The following ITPK1 variants were observed in gnomAD, a reference collection of about 807,000 sequenced individuals.
The protein encoded by ITPK1 is inositol 1,3,4-trisphosphate 5/6-kinase.
Under a neutral mutation model 45.3 loss-of-function variants are expected in ITPK1, and 21 were observed. That is an observed-to-expected ratio of 0.46 (90% CI 0.33 to 0.67). ITPK1 has a LOEUF of 0.67. Ranked by LOEUF, ITPK1 falls within the 30% of genes least tolerant of loss-of-function variation. The probability of loss-of-function intolerance (pLI) is 0.02; values close to 1 mark genes in which losing one functional copy is unlikely to be tolerated. For missense variants in ITPK1, 474 were observed against 573.5 expected (o/e 0.83, Z 1.77); for synonymous variants, 258 against 253.6 (o/e 1.02, Z -0.16).
rs76689729 is a variant in ITPK1, at chr14:93,084,271, C to T, written c.96-7652G>A. On this transcript the variant is annotated intron_variant, in intron 2 of 10. Transcript: ENST00000267615. ...ACTGATGAAGAGGACCTCCAGCTAG[C>T]GCTGGTTCCCAACTATGGGCAACTG... Among the ~76,000 whole-genome samples, 32 of 152,354 alleles carry T rather than the reference C, an allele frequency of 2.1e-4. No homozygotes were observed. In the East Asian group the frequency reaches 2.5e-3, roughly 12 times the overall value.
intron 3 of ITPK1, among the ~76,000 whole-genome samples, chr14:93,046,620 A>G (rs1202824029): frequency 6.6e-6 from 1 of 152,138 alleles, no homozygotes; most frequent in Non-Finnish European, 1.5e-5. Flanking sequence ...GGGGAACACA[A>G]GCAAACAGAA....
intron 2 of ITPK1, among the ~76,000 whole-genome samples, chr14:93,102,971 G>C (rs1384264575): frequency 6.6e-6 from 1 of 151,036 alleles, no homozygotes; most frequent in Non-Finnish European, 1.5e-5. Context: ...ATGGTGGCAG[G>C]CGCCTGTAGT....
chr14:93,081,043 C>T (rs904072389), intron 2 of ITPK1, among the ~76,000 whole-genome samples: 2 of 150,198 alleles, frequency 1.3e-5, no homozygotes, highest in Non-Finnish European at 3.0e-5. Context: ...TCATTAAAAA[C>T]CTGCAGCCGG....
At chr14:93,082,469 C>G (rs1285454354) in intron 2 of ITPK1, among the ~76,000 whole-genome samples, 1 of 152,196 alleles carries the variant, frequency 6.6e-6, no homozygotes, top group East Asian at 1.9e-4. Flanking sequence ...CCTCTGTTTT[C>G]TTATCTGTAA....
intron 3 of ITPK1, among the ~76,000 whole-genome samples, chr14:93,023,955 A>G (rs912764709): frequency 1.3e-5 from 2 of 152,208 alleles, no homozygotes; most frequent in Non-Finnish European, 2.9e-5. Context: ...GAGAGGCCAG[A>G]GTCAGAGCTG....
At chr14:93,115,002 G>C in intron 2 of ITPK1, 67 bp downstream of exon 2, 1 of 850,496 alleles carries the variant, frequency 1.2e-6, no homozygotes, top group East Asian at 3.0e-5. Flanking sequence ...GCTGCACCGG[G>C]CTCGGGCCGG....
intron 4 of ITPK1, among the ~76,000 whole-genome samples, chr14:93,004,865 G>A (rs1384381462): frequency 6.6e-6 from 1 of 151,852 alleles, no homozygotes; most frequent in East Asian, 1.9e-4. Flanking sequence ...ATGGGCCAGG[G>A]GAGAAAGGGT....
At position 93,034,960 on chromosome 14, in the gene ITPK1, T is replaced by C. The variant is rs962727225; in HGVS notation, c.121-18159A>G. On this transcript the variant is annotated intron_variant, in intron 3 of 10. Coordinates refer to ENST00000267615, the MANE Select transcript of ITPK1 (RefSeq NM_014216.6). This position sits in a 1 kb window ranked among gnomAD's most constrained non-coding sequence, Gnocchi z 4.1. The stretch of plus-strand genomic sequence containing the variant: ...CCACCCCAGGTAGCACTGACGGGCC[T>C]GGCCTCTGGGCACCTGCACCTACAA... Among the ~76,000 whole-genome samples the C allele has an allele frequency of 6.6e-6, 1 of 152,256 alleles. No individual in the cohort carries two copies. The highest frequency in any genetic ancestry group is 1.9e-4 in the East Asian group (1 of 5,198).
At position 92,940,330 on chromosome 14, in the gene ITPK1, AG is replaced by A; in HGVS notation, c.*1230del. On this transcript the variant is annotated 3_prime_UTR_variant, in exon 11 of 11. Transcript: ENST00000267615. ...CACCCCACATCTTCCAGGACTGCAG[AG>A]GCTTCTCCCCAACCCTTTTCTCTGC... is the stretch of plus-strand genomic sequence containing the variant. The A allele has an allele frequency of 1.0e-6, 1 of 995,996 alleles. No individual in the cohort carries two copies. Among genetic ancestry groups the A allele is most frequent in the Non-Finnish European group, 1.2e-6 (1 of 836,156 alleles). The allele number at this position is 995,996 out of a possible 1,614,324, so 61.7% of individuals were successfully genotyped here.
intron 7 of ITPK1, among the ~76,000 whole-genome samples, chr14:92,960,744 G>A (rs913194974): frequency 6.6e-6 from 1 of 152,264 alleles, no homozygotes. Context: ...GCTGGTGGAA[G>A]GCGGGCAGGC....
At chr14:92,989,881 G>A (rs1235697753) in intron 5 of ITPK1, among the ~76,000 whole-genome samples, 6 of 152,108 alleles carry the variant, frequency 3.9e-5, no homozygotes, top group Non-Finnish European at 8.8e-5. Flanking sequence ...GGCATGCTGG[G>A]GTGGGTCATT....
chr14:93,097,473 G>C (rs1446535073), intron 2 of ITPK1, among the ~76,000 whole-genome samples: 1 of 152,152 alleles, frequency 6.6e-6, no homozygotes, highest in Non-Finnish European at 1.5e-5. Flanking sequence ...CCCCTTACCA[G>C]ACTGCAAGCT....
intron 4 of ITPK1, among the ~76,000 whole-genome samples, chr14:93,015,851 G>C (rs369070464): frequency 6.6e-6 from 1 of 152,178 alleles, no homozygotes; most frequent in Non-Finnish European, 1.5e-5. Flanking sequence ...ACTAGGAGGC[G>C]GGTAAGATTC....
chr14:93,043,166 T>C (rs1265227727), intron 3 of ITPK1, among the ~76,000 whole-genome samples: 1 of 152,002 alleles, frequency 6.6e-6, no homozygotes, highest in Admixed American at 6.6e-5. Flanking sequence ...TGACCCAGGA[T>C]TGGCCACGTG....
At chr14:93,005,366 G>T (rs1887559187) in intron 4 of ITPK1, among the ~76,000 whole-genome samples, 2 of 152,236 alleles carry the variant, frequency 1.3e-5, no homozygotes, top group Admixed American at 6.5e-5. Context: ...GGCTGGGGTG[G>T]TCAGACATGG....
At chr14:92,953,789 T>C (rs891262776) in intron 8 of ITPK1, among the ~76,000 whole-genome samples, 6 of 152,228 alleles carry the variant, frequency 3.9e-5, no homozygotes, top group African/African-American at 1.4e-4. Context: ...GGCCAGTGTC[T>C]GCTCACCTGG....
chr14:92,961,347 G>C (rs1048309192), intron 7 of ITPK1, among the ~76,000 whole-genome samples: 2 of 152,298 alleles, frequency 1.3e-5, no homozygotes, highest in African/African-American at 4.8e-5. Flanking sequence ...GTCCTCACAG[G>C]CTCCTTGGCT....
rs1316201141 is a variant in ITPK1 at position 92,958,470 on chromosome 14, C to T, written c.505-104G>A. The T allele has an allele frequency of 8.7e-7, 1 of 1,144,638 alleles. No homozygotes were observed. The highest frequency in any genetic ancestry group is 2.5e-5 in the East Asian group (1 of 40,442). 70.9% of individuals were successfully genotyped at this position (1,144,638 alleles called of 1,614,324 possible). A position where few individuals can be genotyped will look rare whatever the true frequency, so the allele number is the denominator to read the frequency against. On this transcript the variant is annotated intron_variant, in intron 7 of 10. Transcript: ENST00000267615. This position sits in a 1 kb window ranked among gnomAD's most constrained non-coding sequence, Gnocchi z 4.4. Reference sequence around the variant, plus strand: ...CAGAGCACCTCCACCAAGGCCCATCCCTGGTCCTGTGGCATGAGGACTCCC... The same window carrying T: ...CAGAGCACCTCCACCAAGGCCCATCTCTGGTCCTGTGGCATGAGGACTCCC...
intron 3 of ITPK1, chr14:93,071,948 T>C (rs202169834): frequency 6.6e-6 from 1 of 152,126 alleles, no homozygotes; most frequent in African/African-American, 2.4e-5. Context: ...ATACAATTGA[T>C]CAATAAGACA....
Sources: allele counts gnomAD v4.1 joint callset (sites outside exome capture counted in the v4.1 genomes callset), GRCh38; gene constraint gnomAD v4.1.1; non-coding constraint Gnocchi (gnomAD v3.1); transcripts MANE v1.5; gene names NCBI Gene and HGNC (gene_info 2026-07-23, HGNC 2026-07-21).